The following CRPPA variants were observed in gnomAD, a reference collection of about 807,000 sequenced individuals.
CRPPA encodes CDP-L-ribitol pyrophosphorylase A, also known as D-ribitol-5-phosphate cytidylyltransferase.
A neutral mutation model predicts 52.0 loss-of-function variants in CRPPA; 43 were observed. The ratio of observed to expected loss-of-function variants is 0.83; its 90% CI spans 0.65 to 1.07. CRPPA has a LOEUF of 1.07. Ranked by LOEUF, CRPPA falls within the 50% of genes least tolerant of loss-of-function variation. CRPPA has a pLI of 0.00. For missense variants in CRPPA, 629 were observed against 551.7 expected (o/e 1.14, Z -1.40); for synonymous variants, 250 against 203.5 (o/e 1.23, Z -1.94).
intron 9 of CRPPA, among the ~76,000 whole-genome samples, chr7:16,144,848 G>A (rs77558342): frequency 2.4e-4 from 37 of 152,272 alleles, no homozygotes; most frequent in Admixed American, 7.8e-4. Flanking sequence ...CTCTAGCTGC[G>A]CTGTCAGGTA....
intron 4 of CRPPA, among the ~76,000 whole-genome samples, chr7:16,305,725 G>C (rs1022648162): frequency 7.2e-5 from 11 of 152,202 alleles, no homozygotes; most frequent in Non-Finnish European, 1.5e-4. Flanking sequence ...AATTAGCTGA[G>C]TGTGGTGGCA....
rs201131087 is a variant in CRPPA, at chr7:16,089,351, TATAC to T, written c.*2340_*2343del. On this transcript the variant is annotated 3_prime_UTR_variant, in exon 10 of 10. Transcript: ENST00000407010. ...AAATATATGTGTGTATGCGTACGTATATACATACATACATGCATGTACATATATA... is the reference window on the plus strand; with the variant it reads ...AAATATATGTGTGTATGCGTACGTATATACATACATGCATGTACATATATA... The T allele has an allele frequency of 2.7e-3, 915 of 337,806 alleles. 44 individuals are homozygous for T. The highest frequency in any genetic ancestry group is 0.02 in the African/African-American group (797 of 38,952). The allele number at this position is 337,806 out of a possible 1,614,324, so 20.9% of individuals were successfully genotyped here.
At chr7:16,264,365 A>G (rs1783896476) in intron 6 of CRPPA, among the ~76,000 whole-genome samples, 1 of 152,212 alleles carries the variant, frequency 6.6e-6, no homozygotes, top group African/African-American at 2.4e-5. Flanking sequence ...TGTTCAGTAA[A>G]TTAAAGTACG....
intron 3 of CRPPA, among the ~76,000 whole-genome samples, chr7:16,341,496 T>C (rs1334292563): frequency 6.6e-6 from 1 of 152,204 alleles, no homozygotes. Flanking sequence ...CATATTTAAT[T>C]GAAATGAAAA....
At chr7:16,257,306 T>C (rs1783670997) in intron 8 of CRPPA, among the ~76,000 whole-genome samples, 1 of 152,044 alleles carries the variant, frequency 6.6e-6, no homozygotes, top group Non-Finnish European at 1.5e-5. Context: ...GAGAGAGGAA[T>C]AAAAGGCCAA....
At chr7:16,358,377 G>A (rs1786358816) in intron 3 of CRPPA, among the ~76,000 whole-genome samples, 1 of 152,178 alleles carries the variant, frequency 6.6e-6, no homozygotes, top group Non-Finnish European at 1.5e-5. Flanking sequence ...GAGCTGGGAA[G>A]CGATTAAGTG....
chr7:16,357,512 G>A (rs1447436017), intron 3 of CRPPA, among the ~76,000 whole-genome samples: 2 of 151,952 alleles, frequency 1.3e-5, no homozygotes, highest in African/African-American at 2.4e-5. Flanking sequence ...GTGTGCAGCC[G>A]CCCTCCTCTG....
intron 9 of CRPPA, among the ~76,000 whole-genome samples, chr7:16,161,546 G>A (rs1288069884): frequency 6.6e-6 from 1 of 152,180 alleles, no homozygotes; most frequent in African/African-American, 2.4e-5. Flanking sequence ...ACTTGATCAT[G>A]GTGGATAAGT....
At chr7:16,375,448 C>A (rs1422972593) in intron 3 of CRPPA, among the ~76,000 whole-genome samples, 1 of 152,096 alleles carries the variant, frequency 6.6e-6, no homozygotes, top group Non-Finnish European at 1.5e-5. Context: ...AGAAGCAATC[C>A]AGTAATATTA....
At chr7:16,255,822 C>T (rs1310549123) in intron 8 of CRPPA, among the ~76,000 whole-genome samples, 2 of 152,088 alleles carry the variant, frequency 1.3e-5, no homozygotes, top group Non-Finnish European at 2.9e-5. Context: ...AAACATAAGA[C>T]CTAAAACCAT....
chr7:16,410,222 A>C (rs1388681192), intron 1 of CRPPA, among the ~76,000 whole-genome samples: 2 of 152,174 alleles, frequency 1.3e-5, no homozygotes, highest in East Asian at 1.9e-4. Flanking sequence ...TGTTTATCAC[A>C]ATCAAAAATA....
intron 3 of CRPPA, among the ~76,000 whole-genome samples, chr7:16,371,453 C>A (rs1015822264): frequency 5.3e-5 from 8 of 151,882 alleles, no homozygotes; most frequent in Non-Finnish European, 1.2e-4. Context: ...ACTCATGCAG[C>A]ATCTTCTCCC....
chr7:16,183,656 C>T (rs1335375341), intron 9 of CRPPA, among the ~76,000 whole-genome samples: 5 of 152,116 alleles, frequency 3.3e-5, no homozygotes, highest in Non-Finnish European at 7.4e-5. Flanking sequence ...GGGCTCTAAA[C>T]TTGTCTATTC....
intron 8 of CRPPA, among the ~76,000 whole-genome samples, chr7:16,218,049 G>A (rs935215960): frequency 1.1e-4 from 16 of 151,768 alleles, no homozygotes; most frequent in Non-Finnish European, 2.4e-4. Context: ...GAGAAAGGTC[G>A]GGTTACCCTC....
At chr7:16,258,838 T>C (rs1783716874) in intron 7 of CRPPA, 82 bp downstream of exon 7, 6 of 788,164 alleles carry the variant, frequency 7.6e-6, no homozygotes, top group Non-Finnish European at 1.2e-5. Flanking sequence ...TAATATCATA[T>C]ATAAATATTT....
Position 16,091,733 on chromosome 7 carries a change from T to C in CRPPA, c.1318A>G (p.Arg440Gly). Reference protein sequence around the residue: ...AIIIASLIKERNSGLIGQLLI... With the variant: ...AIIIASLIKEGNSGLIGQLLI... ...AGCTGACCAATGAGTCCAGAATTTC[T>C]TTCCTTGATTAATGAAGCAATAATG... The change falls in exon 10 of 10, where the codon AGA becomes GGA. Residue 440 changes from arginine (R) to glycine (G), a missense_variant. Physicochemically the swap from Arg to Gly is moderately radical, Grantham distance 125 (BLOSUM62 -2). Coordinates refer to ENST00000407010, the MANE Select transcript of CRPPA (RefSeq NM_001101426.4). The C allele has an allele frequency of 6.4e-7, 1 of 1,563,324 alleles. No individual in the cohort carries two copies. Among genetic ancestry groups the C allele is most frequent in the Non-Finnish European group, 8.7e-7 (1 of 1,152,394 alleles).
chr7:16,233,661 A>T (rs1353209759), intron 8 of CRPPA, among the ~76,000 whole-genome samples: 2 of 152,144 alleles, frequency 1.3e-5, no homozygotes, highest in Non-Finnish European at 1.5e-5. Flanking sequence ...TGCTGAGCTC[A>T]ATTAAATGGC....
intron 2 of CRPPA, among the ~76,000 whole-genome samples, chr7:16,381,435 T>C (rs1169690186): frequency 6.6e-6 from 1 of 151,882 alleles, no homozygotes; most frequent in Non-Finnish European, 1.5e-5. Flanking sequence ...TTGGAATAGG[T>C]TTGGTGTGGT....
At chr7:16,246,523 T>G (rs963479667) in intron 8 of CRPPA, among the ~76,000 whole-genome samples, 2 of 152,202 alleles carry the variant, frequency 1.3e-5, no homozygotes, top group African/African-American at 4.8e-5. Flanking sequence ...ATCAGAGGAA[T>G]CTATCTAGGG....
Sources: gnomAD v4.1 joint callset for allele counts (sites outside exome capture counted in the v4.1 genomes callset) on GRCh38, gnomAD v4.1.1 for gene constraint, MANE v1.5 for transcripts, NCBI Gene and HGNC (gene_info 2026-07-23, HGNC 2026-07-21) for gene names.